AGBL1: variants seen among roughly 807,000 people sequenced by gnomAD.
AGBL1 encodes AGBL carboxypeptidase 1, also known as cytosolic carboxypeptidase 4.
A neutral mutation model predicts 118.9 loss-of-function variants in AGBL1; 130 were observed. That is an observed-to-expected ratio of 1.09 (90% confidence interval 0.95 to 1.26). AGBL1 has a LOEUF of 1.26. Among genes scored for constraint, AGBL1 ranks in the 50% most tolerant of loss-of-function variants. AGBL1 has a pLI of 0.00. For missense variants in AGBL1, 1,584 were observed against 1,298.1 expected (o/e 1.22, Z -3.38); for synonymous variants, 555 against 478.9 (o/e 1.16, Z -2.08).
chr15:86,629,781 G>A (rs1391717269), intron 21 of AGBL1, among the ~76,000 whole-genome samples: 1 of 152,142 alleles, frequency 6.6e-6, no homozygotes, highest in Non-Finnish European at 1.5e-5. Flanking sequence ...CATATTTATA[G>A]TGAGTTGACA....
chr15:86,150,233 C>T (rs1190214029), intron 3 of AGBL1, among the ~76,000 whole-genome samples: 1 of 152,128 alleles, frequency 6.6e-6, no homozygotes, highest in African/African-American at 2.4e-5. Context: ...GAAACAAGAA[C>T]AAACAAATGC....
chr15:86,833,468 G>T (rs550215365), intron 22 of AGBL1, among the ~76,000 whole-genome samples: 1 of 152,170 alleles, frequency 6.6e-6, no homozygotes, highest in East Asian at 2.0e-4. Flanking sequence ...TTCTGCTTTT[G>T]CTTCTTCCTC....
intron 22 of AGBL1, among the ~76,000 whole-genome samples, chr15:86,875,898 T>C (rs907236333): frequency 6.6e-6 from 1 of 152,288 alleles, no homozygotes; most frequent in African/African-American, 2.4e-5. Context: ...AGACTTCCTC[T>C]GCATTGATCA....
chr15:86,933,508 C>T (rs756070333), intron 23 of AGBL1, among the ~76,000 whole-genome samples: 1 of 152,120 alleles, frequency 6.6e-6, no homozygotes, highest in Non-Finnish European at 1.5e-5. Flanking sequence ...TATTGTAGAA[C>T]CTAAGATTGA....
chr15:87,012,652 G>A (rs951029333), intron 24 of AGBL1, among the ~76,000 whole-genome samples: 5 of 151,974 alleles, frequency 3.3e-5, no homozygotes, highest in Non-Finnish European at 7.4e-5. Context: ...GTTAAATGGA[G>A]GAGGAGCCAC....
intron 6 of AGBL1, among the ~76,000 whole-genome samples, chr15:86,237,048 A>G (rs35954253): frequency 0.26 from 39,547 of 150,006 alleles, 6,107 homozygotes; most frequent in Admixed American, 0.37. Context: ...TTAATGGCCC[A>G]CATTTGCATA....
At chr15:86,540,169 A>C (rs2083475059) in intron 19 of AGBL1, among the ~76,000 whole-genome samples, 1 of 152,190 alleles carries the variant, frequency 6.6e-6, no homozygotes, top group Non-Finnish European at 1.5e-5. Flanking sequence ...TAGAGTCTTC[A>C]ATAAATTAAC....
In AGBL1 at chr15:86,915,489, G is replaced by A. The variant is rs947602659; in HGVS notation, c.*8195G>A. On this transcript the variant is annotated 3_prime_UTR_variant, in exon 23 of 23. Transcript: ENST00000614907. ...CTGTTCCCTCTTCTTCCATCCATGT[G>A]CCTAGATCTATCCATTATGTGCTTA... is the stretch of plus-strand genomic sequence containing the variant. 2 of 152,050 alleles carry A rather than the reference G, an allele frequency of 1.3e-5. No homozygotes were observed. Among genetic ancestry groups the A allele is most frequent in the Non-Finnish European group, 2.9e-5 (2 of 68,050 alleles). The allele number at this position is 152,050 out of a possible 1,614,324, so 9.4% of individuals were successfully genotyped here.
At chr15:86,668,033 C>CG (rs2085677922) in intron 21 of AGBL1, among the ~76,000 whole-genome samples, 2 of 152,106 alleles carry the variant, frequency 1.3e-5, no homozygotes, top group South Asian at 4.1e-4. Context: ...GTGAGAACAG[C>CG]AAGAGAGAGA....
chr15:86,253,376 G>A (rs934535631), intron 7 of AGBL1, among the ~76,000 whole-genome samples: 5 of 151,950 alleles, frequency 3.3e-5, no homozygotes, highest in Non-Finnish European at 7.4e-5. Context: ...TCAGCCTCCC[G>A]AGTAGCTGGA....
At chr15:86,142,102 G>C in intron 2 of AGBL1, 35 bp downstream of exon 2, 7 of 1,545,474 alleles carry the variant, frequency 4.5e-6, no homozygotes, top group Non-Finnish European at 5.2e-6. Flanking sequence ...TTCATATGGC[G>C]GATGTGGAGC....
chr15:86,740,241 A>G (rs760037925), intron 22 of AGBL1, among the ~76,000 whole-genome samples: 1 of 152,252 alleles, frequency 6.6e-6, no homozygotes, highest in Non-Finnish European at 1.5e-5. Flanking sequence ...TAGCATCCCC[A>G]TACTGGGATT....
chr15:86,622,330 CAA>C (rs76582205), intron 21 of AGBL1, among the ~76,000 whole-genome samples: 3,165 of 93,794 alleles, frequency 0.034, 102 homozygotes, highest in African/African-American at 0.1. Flanking sequence ...GACTCCATCT[CAA>C]AAAAAAAAAA....
intron 20 of AGBL1, 88 bp downstream of exon 20, chr15:86,546,221 G>GTTTTTT: frequency 2.8e-6 from 3 of 1,063,726 alleles, no homozygotes; most frequent in Non-Finnish European, 2.4e-6. Context: ...CATTTATTTA[G>GTTTTTT]TTTTTTTTTT....
At position 86,312,188 on chromosome 15, in the gene AGBL1, T is replaced by C. The variant is rs145448824; in HGVS notation, c.2374+16780T>C. 3 of 152,360 alleles carry C rather than the reference T, an allele frequency of 2.0e-5. No homozygotes were observed. In the East Asian group the frequency reaches 5.8e-4, roughly 29 times the overall value. 9.4% of individuals were successfully genotyped at this position (152,360 alleles called of 1,614,324 possible). On this transcript the variant is annotated intron_variant, in intron 17 of 22. Transcript: ENST00000614907. ...AGATTGTATTGTACTACCACTTCTT[T>C]CTTCTTGAAAGCAGGGATTGGATTC...
intron 1 of AGBL1, among the ~76,000 whole-genome samples, chr15:86,101,386 C>T (rs1338975887): frequency 3.8e-5 from 5 of 131,352 alleles, no homozygotes; most frequent in African/African-American, 1.2e-4. Context: ...TGGTCTAATA[C>T]GTAGCTTAAA....
chr15:86,151,634 C>T (rs1407695309), intron 3 of AGBL1, among the ~76,000 whole-genome samples: 1 of 152,180 alleles, frequency 6.6e-6, no homozygotes, highest in East Asian at 1.9e-4. Flanking sequence ...TATGCCCTCT[C>T]TCACCACTCC....
chr15:86,132,352 G>T (rs767484392), intron 1 of AGBL1, among the ~76,000 whole-genome samples: 10 of 152,204 alleles, frequency 6.6e-5, no homozygotes, highest in African/African-American at 2.4e-4. Context: ...GGTGGATTCA[G>T]AGGGGATGAA....
At chr15:86,611,292 G>C (rs188578797) in intron 21 of AGBL1, among the ~76,000 whole-genome samples, 62 of 152,286 alleles carry the variant, frequency 4.1e-4, no homozygotes, top group African/African-American at 1.4e-3. Context: ...ATTGTCTAAA[G>C]AGTGTCACCA....
Sources: gnomAD v4.1 joint callset for allele counts (sites outside exome capture counted in the v4.1 genomes callset) on GRCh38, gnomAD v4.1.1 for gene constraint, MANE v1.5 for transcripts, NCBI Gene and HGNC (gene_info 2026-07-23, HGNC 2026-07-21) for gene names.